Variants in GPHN observed in about 807,000 individuals in gnomAD.
The protein encoded by GPHN is gephyrin.
Under a neutral mutation model 95.5 loss-of-function variants are expected in GPHN, and 17 were observed. That is an observed-to-expected ratio of 0.18 (90% CI 0.12 to 0.27). The LOEUF (loss-of-function observed/expected upper bound fraction) is 0.27. Among genes scored for constraint, GPHN ranks in the 10% least tolerant of loss-of-function variants. GPHN has a pLI of 1.00. For synonymous variants in GPHN, 320 were observed against 322.5 expected (o/e 0.99, Z 0.08); for missense variants, 660 against 978.1 (o/e 0.67, Z 4.34).
chr14:66,941,563 C>G (rs2067428948), intron 8 of GPHN, among the ~76,000 whole-genome samples: 1 of 151,956 alleles, frequency 6.6e-6, no homozygotes, highest in African/African-American at 2.4e-5. Flanking sequence ...GATCAGGAAC[C>G]CTATACAGGG....
chr14:67,668,155 AAGACATATGGAGAGATGTCTTC>A, the GPHN span, among the ~76,000 whole-genome samples: 2 of 152,212 alleles, frequency 1.3e-5, no homozygotes, highest in African/African-American at 4.8e-5. Context: ...GATACACGTT[AAGACATATGGAGAGATGTCTTC>A]AGGTATGACA....
intron 4 of GPHN, among the ~76,000 whole-genome samples, chr14:66,858,223 C>T (rs1438013577): frequency 8.6e-5 from 13 of 151,902 alleles, no homozygotes; most frequent in Non-Finnish European, 1.5e-5. Flanking sequence ...ATCCCTTCCC[C>T]ATGCCTCAGG....
At chr14:67,146,393 A>G (rs904974466) in intron 18 of GPHN, among the ~76,000 whole-genome samples, 23 of 152,232 alleles carry the variant, frequency 1.5e-4, no homozygotes, top group Non-Finnish European at 3.1e-4. Flanking sequence ...GTTAAACAGT[A>G]TCTGCCTTTT....
At chr14:66,997,153 G>A (rs768658111) in intron 9 of GPHN, among the ~76,000 whole-genome samples, 1 of 151,920 alleles carries the variant, frequency 6.6e-6, no homozygotes, top group Non-Finnish European at 1.5e-5. Flanking sequence ...ATCACTTGAG[G>A]TCAGGAGTTT....
chr14:67,602,449 CAT>C, the GPHN span, among the ~76,000 whole-genome samples: 1 of 152,102 alleles, frequency 6.6e-6, no homozygotes, highest in African/African-American at 2.4e-5. Flanking sequence ...TTGCATATAT[CAT>C]GTGTTTTATA....
At chr14:67,374,653 A>G in the GPHN span, 3,086 of 687,830 alleles carry the variant, frequency 4.5e-3, 72 homozygotes, top group East Asian at 0.06. Context: ...CTTATGATCT[A>G]ATATTCTCAA....
chr14:67,514,570 C>G, the GPHN span, among the ~76,000 whole-genome samples: 1 of 152,070 alleles, frequency 6.6e-6, no homozygotes, highest in Non-Finnish European at 1.5e-5. Context: ...GTCATTTTGG[C>G]AGCGTTCCCT....
At chr14:67,390,826 A>T in the GPHN span, 1 of 996,602 alleles carries the variant, frequency 1.0e-6, no homozygotes, top group Admixed American at 1.7e-5. Flanking sequence ...GTAATGCCAA[A>T]CCCCCAACAA....
chr14:67,188,530 T>C, the GPHN span, among the ~76,000 whole-genome samples: 1 of 152,240 alleles, frequency 6.6e-6, no homozygotes, highest in South Asian at 2.1e-4. Context: ...GTTGTGATCA[T>C]GCAATAAGTA....
chr14:67,581,740 A>C, the GPHN span: 1 of 245,598 alleles, frequency 4.1e-6, no homozygotes, highest in Non-Finnish European at 8.0e-6. Context: ...TCTCCAGGCA[A>C]ATAGTTTCCA....
At position 67,111,934 on chromosome 14, in the gene GPHN, CAT is replaced by C; in HGVS notation, c.1472+17_1472+18del. On this transcript the variant is annotated intron_variant, in intron 15 of 22. Coordinates refer to ENST00000478722, the MANE Select transcript of GPHN (RefSeq NM_020806.5). ...CAAGATATCAGGTAACTTCAAAACA[CAT>C]AGAATATATAGCCTACTTTTGTTTC... 6.3e-7 allele frequency: 1 copy of C among 1,591,296 alleles called. No homozygotes were observed. Among genetic ancestry groups the C allele is most frequent in the Non-Finnish European group, 8.6e-7 (1 of 1,159,250 alleles).
the GPHN span, among the ~76,000 whole-genome samples, chr14:67,355,759 G>C: frequency 6.6e-6 from 1 of 151,992 alleles, no homozygotes; most frequent in African/African-American, 2.4e-5. Context: ...TCAGCACTTT[G>C]GGAGGCTAAG....
the GPHN span, chr14:67,616,006 T>C: frequency 1.0e-5 from 3 of 293,844 alleles, no homozygotes; most frequent in Admixed American, 1.3e-4. Flanking sequence ...AAGGGAGTTG[T>C]TGAGGCTGAA....
At chr14:67,523,505 A>T in the GPHN span, among the ~76,000 whole-genome samples, 1 of 152,218 alleles carries the variant, frequency 6.6e-6, no homozygotes, top group African/African-American at 2.4e-5. Context: ...CATTTGGAAG[A>T]TGAGAGCAAT....
chr14:67,245,923 G>GTTTA, the GPHN span, among the ~76,000 whole-genome samples: 1 of 151,516 alleles, frequency 6.6e-6, no homozygotes, highest in African/African-American at 2.4e-5. Context: ...TCCATTTTGA[G>GTTTA]TTTATTTTTG....
At chr14:67,455,090 T>C in the GPHN span, among the ~76,000 whole-genome samples, 2 of 152,188 alleles carry the variant, frequency 1.3e-5, no homozygotes, top group Non-Finnish European at 2.9e-5. Context: ...CCTCAACTGA[T>C]CCACCCGCCT....
the GPHN span, chr14:67,454,095 G>C: frequency 3.7e-4 from 57 of 152,172 alleles, 1 homozygote; most frequent in African/African-American, 1.2e-3. Flanking sequence ...GTGTCCCCTG[G>C]GGGGCAGGGT....
At position 66,681,194 on chromosome 14, in the gene GPHN, T is replaced by G. The variant is rs183022603; in HGVS notation, c.143+9T>G. The G allele has an allele frequency of 6.6e-7, 1 of 1,506,242 alleles. No homozygotes were observed. Among genetic ancestry groups the G allele is most frequent in the East Asian group, 2.3e-5 (1 of 44,240 alleles). The allele number at this position is 1,506,242 out of a possible 1,614,324, so 93.3% of individuals were successfully genotyped here. Reference sequence around the variant, plus strand: ...GTACAAGATCCTTCTTTGTGAGTATTGTGCTTTCAGTATTAAGTATAAATT... The same window carrying G: ...GTACAAGATCCTTCTTTGTGAGTATGGTGCTTTCAGTATTAAGTATAAATT... On this transcript the variant is annotated intron_variant, in intron 2 of 22. Transcript: ENST00000478722.
At chr14:67,597,113 TAGAA>T in the GPHN span, among the ~76,000 whole-genome samples, 1 of 152,322 alleles carries the variant, frequency 6.6e-6, no homozygotes, top group South Asian at 2.1e-4. Flanking sequence ...TACAGGGTTG[TAGAA>T]AGAAAGAAAA....
Sources: gnomAD v4.1 joint callset for allele counts (sites outside exome capture counted in the v4.1 genomes callset) on GRCh38, gnomAD v4.1.1 for gene constraint, MANE v1.5 for transcripts, NCBI Gene and HGNC (gene_info 2026-07-23, HGNC 2026-07-21) for gene names.